The following MSR1 variants were observed in gnomAD, a reference collection of about 807,000 sequenced individuals.
MSR1 encodes the protein macrophage scavenger receptor 1, also known as macrophage scavenger receptor types I and II.
A neutral mutation model predicts 47.2 loss-of-function variants in MSR1; 53 were observed. That is an observed-to-expected ratio of 1.12 (90% CI 0.90 to 1.41). The LOEUF (loss-of-function observed/expected upper bound fraction) is 1.41. MSR1 is among the 40% of genes most tolerant of loss of function. The pLI, the probability that MSR1 is intolerant of heterozygous loss-of-function variation, is 0.00. For missense variants in MSR1, 786 were observed against 546.9 expected (o/e 1.44, Z -4.36); for synonymous variants, 239 against 185.6 (o/e 1.29, Z -2.34).
chr8:16,152,247 T>A (rs1463898884), intron 6 of MSR1, among the ~76,000 whole-genome samples: 1 of 152,068 alleles, frequency 6.6e-6, no homozygotes, highest in Non-Finnish European at 1.5e-5. Flanking sequence ...CCACTTTCAA[T>A]ACTCAGGTGT....
At chr8:16,181,354 C>A (rs1184433374) in intron 1 of MSR1, among the ~76,000 whole-genome samples, 1 of 152,094 alleles carries the variant, frequency 6.6e-6, no homozygotes, top group Non-Finnish European at 1.5e-5. Flanking sequence ...TCTCCAGCAT[C>A]TGTTGTTTCT....
intron 8 of MSR1, among the ~76,000 whole-genome samples, chr8:16,122,915 G>A (rs1800038394): frequency 6.9e-6 from 1 of 144,722 alleles, no homozygotes; most frequent in African/African-American, 2.6e-5. Context: ...CGCGATCTCG[G>A]CTCACTGCAA....
chr8:16,120,854 A>T (rs919455769), intron 8 of MSR1: 1 of 522,448 alleles, frequency 1.9e-6, no homozygotes, highest in East Asian at 3.4e-5. Flanking sequence ...TAAGTTATAT[A>T]TACGAGGACA....
Position 16,120,581 on chromosome 8 carries a change from G to T in MSR1, c.1059C>A (p.Val353=). 2.5e-6 allele frequency: 4 copies of T among 1,582,354 alleles called. No homozygotes were observed. Among genetic ancestry groups the T allele is most frequent in the East Asian group, 2.3e-5 (1 of 43,504 alleles). The change falls in exon 9 of 10, where the codon GTC becomes GTA. Residue 353 remains valine (V), a synonymous_variant. Coordinates refer to ENST00000262101, the MANE Select transcript of MSR1 (RefSeq NM_138715.3). Reference sequence around the variant, plus strand: ...TCCCCTCGTGAGGGCCGCTCCCACCGACCAGTCGAACTTTCGTAAATGGAG... The same window carrying T: ...TCCCCTCGTGAGGGCCGCTCCCACCTACCAGTCGAACTTTCGTAAATGGAG... The part of the protein sequence containing the change: ...TLTPFTKVRL[V]GGSGPHEGRV...
chr8:16,140,003 A>G (rs1201245218), intron 8 of MSR1: 4 of 618,342 alleles, frequency 6.5e-6, no homozygotes, highest in Non-Finnish European at 8.1e-6. Context: ...CTTAGGGACA[A>G]TTAGCTCTGT....
At chr8:16,144,814 T>G (rs893995075) in intron 7 of MSR1, among the ~76,000 whole-genome samples, 1 of 152,128 alleles carries the variant, frequency 6.6e-6, no homozygotes, top group African/African-American at 2.4e-5. Context: ...CTTTGTGATT[T>G]TATTCTCAGA....
At chr8:16,157,201 G>T (rs1801036513) in intron 5 of MSR1, among the ~76,000 whole-genome samples, 5 of 151,942 alleles carry the variant, frequency 3.3e-5, no homozygotes. Context: ...AATAGATCTA[G>T]ACTCTTAGCC....
chr8:16,169,474 T>A (rs903699717), intron 3 of MSR1, among the ~76,000 whole-genome samples: 2 of 152,162 alleles, frequency 1.3e-5, no homozygotes, highest in Admixed American at 1.3e-4. Flanking sequence ...ATTTTTTCAC[T>A]TTATAAAGGT....
intron 7 of MSR1, among the ~76,000 whole-genome samples, chr8:16,147,632 G>A (rs145931246): frequency 2.0e-3 from 305 of 151,980 alleles, no homozygotes; most frequent in African/African-American, 6.7e-3. Flanking sequence ...GACAATTATC[G>A]GACTTATTTC....
intron 6 of MSR1, among the ~76,000 whole-genome samples, chr8:16,152,139 G>A (rs1316485735): frequency 6.6e-6 from 1 of 152,020 alleles, no homozygotes; most frequent in Non-Finnish European, 1.5e-5. Context: ...CCAGCCTGTT[G>A]TAAAGGCTTC....
In MSR1 at chr8:16,131,539, A is replaced by G. The variant is rs1800260031; in HGVS notation, c.1034-10933T>C. 2.2e-5 allele frequency among the ~76,000 whole-genome samples: 3 copies of G among 138,644 alleles called. No homozygotes were observed. The South Asian group carries it at 6.5e-4, about 30-fold the overall frequency. 91.0% of individuals were successfully genotyped at this position (138,644 alleles called of 152,430 possible). A position where few individuals can be genotyped will look rare whatever the true frequency, so the allele number is the denominator to read the frequency against. ...TGATGCAATTGCTTTTGGCATCTTC[A>G]TCGTGAAATCTTTACCAGGTCCTAT... On this transcript the variant is annotated intron_variant, in intron 8 of 9. Transcript: ENST00000262101.
intron 1 of MSR1, among the ~76,000 whole-genome samples, chr8:16,183,239 T>C (rs78292608): frequency 0.011 from 1,700 of 152,126 alleles, 34 homozygotes; most frequent in African/African-American, 0.038. Flanking sequence ...TTTACTGAAA[T>C]GCAAAATAAA....
intron 7 of MSR1, among the ~76,000 whole-genome samples, chr8:16,147,595 G>A (rs142335778): frequency 5.1e-4 from 78 of 152,058 alleles, no homozygotes; most frequent in Middle Eastern, 3.4e-3. Flanking sequence ...TATCTATCAC[G>A]GACCTGTTTT....
At chr8:16,110,298 T>C in intron 9 of MSR1, 80 bp from the exon 10 acceptor site, 1 of 1,496,740 alleles carries the variant, frequency 6.7e-7, no homozygotes, top group Non-Finnish European at 9.3e-7. Flanking sequence ...CATTAATTCC[T>C]TCACTAATTA....
intron 1 of MSR1, chr8:16,186,365 G>A (rs1802000178): frequency 3.2e-6 from 2 of 622,680 alleles, no homozygotes; most frequent in South Asian, 4.5e-5. Context: ...AATCTAGAAG[G>A]CTGATGACTC....
intron 3 of MSR1, among the ~76,000 whole-genome samples, chr8:16,169,752 T>G (rs1801427348): frequency 6.6e-6 from 1 of 151,918 alleles, no homozygotes; most frequent in African/African-American, 2.4e-5. Context: ...ACAAAAATAA[T>G]TTTAAAAACT....
chr8:16,117,554 T>C (rs1378813294), intron 9 of MSR1, among the ~76,000 whole-genome samples: 2 of 152,166 alleles, frequency 1.3e-5, no homozygotes, highest in African/African-American at 2.4e-5. Context: ...TTTAAAGGTA[T>C]GTTTGAGACA....
At chr8:16,189,094 C>T (rs539929074) in intron 1 of MSR1, among the ~76,000 whole-genome samples, 24 of 143,994 alleles carry the variant, frequency 1.7e-4, no homozygotes, top group African/African-American at 5.5e-4. Context: ...ATACGCAAAA[C>T]CTTATTTTAC....
chr8:16,185,519 G>A (rs767375381), intron 1 of MSR1, among the ~76,000 whole-genome samples: 17 of 152,038 alleles, frequency 1.1e-4, no homozygotes, highest in Non-Finnish European at 2.4e-4. Flanking sequence ...ATGTGATATA[G>A]TTAGGAATAT....
Sources: gnomAD v4.1 joint callset for allele counts (sites outside exome capture counted in the v4.1 genomes callset) on GRCh38, gnomAD v4.1.1 for gene constraint, MANE v1.5 for transcripts, NCBI Gene and HGNC (gene_info 2026-07-23, HGNC 2026-07-21) for gene names.